Variants in PCDH11X observed in about 807,000 individuals in gnomAD.
PCDH11X encodes protocadherin-11 X-linked.
A neutral mutation model predicts 53.3 loss-of-function variants in PCDH11X; 18 were observed. That is an observed-to-expected ratio of 0.34 (90% CI 0.23 to 0.50). The LOEUF (loss-of-function observed/expected upper bound fraction) is 0.50. Ranked by LOEUF, PCDH11X falls within the 20% of genes least tolerant of loss-of-function variation. The pLI, the probability that PCDH11X is intolerant of heterozygous loss-of-function variation, is 0.98. For synonymous variants in PCDH11X, 279 were observed against 393.3 expected, an observed-to-expected ratio of 0.71 and a Z score of 3.44; for missense variants, 570 against 1,032.4, an observed-to-expected ratio of 0.55 and a Z score of 6.14.
chrX:92,405,939 C>CA (rs1179095060), intron 9 of PCDH11X, among the ~76,000 whole-genome samples: 4 of 109,069 alleles, frequency 3.7e-5, no homozygotes, highest in Non-Finnish European at 7.6e-5. Context: ...CTAAAAAATA[C>CA]AAAAAATTAG....
intron 8 of PCDH11X, among the ~76,000 whole-genome samples, chrX:92,372,188 A>G (rs2148553811): frequency 9.1e-6 from 1 of 109,820 alleles, no homozygotes; most frequent in South Asian, 3.9e-4. Flanking sequence ...AGACATGATG[A>G]AGGAAAATAA....
At chrX:91,855,318 A>G (rs1478642709) in intron 5 of PCDH11X, among the ~76,000 whole-genome samples, 2 of 110,874 alleles carry the variant, frequency 1.8e-5, no homozygotes, top group East Asian at 5.7e-4. Context: ...AGTAGTGAGG[A>G]TTTGTTTCTG....
intron 1 of PCDH11X, among the ~76,000 whole-genome samples, chrX:91,807,034 A>G (rs1936130246): frequency 9.0e-6 from 1 of 111,282 alleles, no homozygotes; most frequent in Non-Finnish European, 1.9e-5. Flanking sequence ...TCCATAAACC[A>G]TATCGATATA....
At chrX:92,323,250 T>C (rs1297555629) in intron 8 of PCDH11X, among the ~76,000 whole-genome samples, 2 of 111,247 alleles carry the variant, frequency 1.8e-5, no homozygotes, top group Non-Finnish European at 3.8e-5. Flanking sequence ...AAAAGTATGA[T>C]ATATTATAAA....
intron 6 of PCDH11X, among the ~76,000 whole-genome samples, chrX:91,940,705 T>C (rs2061498506): frequency 9.5e-6 from 1 of 105,735 alleles, no homozygotes; most frequent in African/African-American, 3.4e-5. Flanking sequence ...ATTTTTTTTT[T>C]TTTTTTTTGT....
intron 6 of PCDH11X, among the ~76,000 whole-genome samples, chrX:92,020,239 C>T (rs1240116860): frequency 8.9e-6 from 1 of 112,576 alleles, no homozygotes; most frequent in Non-Finnish European, 1.9e-5. Context: ...CATTTGAGCT[C>T]CTTGTGGGAG....
intron 4 of PCDH11X, among the ~76,000 whole-genome samples, chrX:91,812,535 T>C (rs1355071960): frequency 2.7e-5 from 3 of 111,124 alleles, no homozygotes; most frequent in African/African-American, 9.8e-5. Flanking sequence ...GATTTCTCCC[T>C]GTTCTCTTTG....
chrX:91,976,216 C>T (rs1453241866), intron 6 of PCDH11X, among the ~76,000 whole-genome samples: 9 of 111,244 alleles, frequency 8.1e-5, no homozygotes, highest in Non-Finnish European at 1.5e-4. Context: ...CCACACCCGG[C>T]TCATATTTAT....
At chrX:92,614,622 G>C (rs749729256) in intron 10 of PCDH11X, among the ~76,000 whole-genome samples, 168 of 108,089 alleles carry the variant, frequency 1.6e-3, no homozygotes, top group African/African-American at 5.4e-3. Flanking sequence ...TGAGCTCCTT[G>C]CTCTGTCCTA....
At chrX:91,884,190 C>CAAAAAA (rs34953838) in intron 6 of PCDH11X, among the ~76,000 whole-genome samples, 42 of 37,734 alleles carry the variant, frequency 1.1e-3, no homozygotes, top group African/African-American at 4.6e-3. Flanking sequence ...GACTCCGTCT[C>CAAAAAA]AAAAAAAAAA....
intron 6 of PCDH11X, among the ~76,000 whole-genome samples, chrX:91,982,404 G>A (rs1406673890): frequency 1.8e-5 from 2 of 110,294 alleles, no homozygotes; most frequent in African/African-American, 6.6e-5. Context: ...AGAGAAAAAA[G>A]AAACCTGGCA....
intron 6 of PCDH11X, among the ~76,000 whole-genome samples, chrX:92,082,048 G>C (rs1387093152): frequency 7.2e-5 from 8 of 110,663 alleles, no homozygotes; most frequent in Admixed American, 3.9e-4. Flanking sequence ...GGGAAACTGA[G>C]ACTTAGAATA....
At chrX:92,199,689 G>A (rs2066356533) in intron 6 of PCDH11X, among the ~76,000 whole-genome samples, 1 of 109,915 alleles carries the variant, frequency 9.1e-6, no homozygotes, top group African/African-American at 3.3e-5. Flanking sequence ...AGGGTGGGGA[G>A]TGATAGAATA....
intron 10 of PCDH11X, among the ~76,000 whole-genome samples, chrX:92,551,687 T>A (rs902864316): frequency 3.6e-5 from 4 of 110,790 alleles, no homozygotes; most frequent in African/African-American, 1.3e-4. Flanking sequence ...TAGTTTGAAG[T>A]CTTAGATTTA....
At chrX:92,158,380 C>T (rs1187927335) in intron 6 of PCDH11X, among the ~76,000 whole-genome samples, 1 of 109,092 alleles carries the variant, frequency 9.2e-6, no homozygotes, top group Non-Finnish European at 1.9e-5. Context: ...TGTGGTGGTG[C>T]ATGCCTGTAA....
intron 6 of PCDH11X, chrX:91,983,651 G>C (rs1335619623): frequency 2.1e-5 from 7 of 332,310 alleles, no homozygotes; most frequent in Non-Finnish European, 3.3e-5. Context: ...TTCACTGTCA[G>C]GAGAACAGTA....
intron 6 of PCDH11X, among the ~76,000 whole-genome samples, chrX:92,118,084 C>T (rs1043815877): frequency 1.8e-5 from 2 of 111,142 alleles, no homozygotes; most frequent in African/African-American, 6.5e-5. Flanking sequence ...GTCTTAACGG[C>T]CACAAATGTT....
Position 92,078,888 on chromosome X carries a change from G to A in PCDH11X, c.3034-122487G>A, listed in dbSNP as rs761954699. ...CTCTCACACACGCCTATATAGAATT[G>A]TCATGAATATCCATTTATCATAATA... On this transcript the variant is annotated intron_variant, in intron 6 of 10. Coordinates refer to ENST00000682573, the MANE Select transcript of PCDH11X (RefSeq NM_032968.5). Among the ~76,000 whole-genome samples, 4 of 110,678 alleles carry A rather than the reference G, an allele frequency of 3.6e-5. No homozygotes were observed. The East Asian group carries it at 1.1e-3, about 32-fold the overall frequency.
chrX:92,081,415 G>A (rs1348079863), intron 6 of PCDH11X, among the ~76,000 whole-genome samples: 2 of 109,903 alleles, frequency 1.8e-5, no homozygotes, highest in South Asian at 7.8e-4. Context: ...TTCCACTGAG[G>A]GGAATTCATA....
Sources: gnomAD v4.1 joint callset for allele counts (sites outside exome capture counted in the v4.1 genomes callset) on GRCh38, gnomAD v4.1.1 for gene constraint, MANE v1.5 for transcripts, NCBI Gene and HGNC (gene_info 2026-07-23, HGNC 2026-07-21) for gene names.